MIIP: variants seen among roughly 807,000 people sequenced by gnomAD.
MIIP encodes migration and invasion inhibitory protein, also known as migration and invasion-inhibitory protein.
In MIIP, 44 loss-of-function variants were observed where a neutral mutation model predicts 44.8. That is an observed-to-expected ratio of 0.98 (90% CI 0.77 to 1.26). The LOEUF (loss-of-function observed/expected upper bound fraction) is 1.26, where lower values mean the gene tolerates loss of function less well. MIIP is among the 50% of genes most tolerant of loss of function. The pLI, the probability that MIIP is intolerant of heterozygous loss-of-function variation, is 0.00. For synonymous variants in MIIP, 225 were observed against 218.3 expected (o/e 1.03, Z -0.27); for missense variants, 496 against 511.7 (o/e 0.97, Z 0.30).
chr1:12,027,641 C>T (rs941613697), intron 4 of MIIP, among the ~76,000 whole-genome samples: 9 of 152,146 alleles, frequency 5.9e-5, no homozygotes, highest in South Asian at 2.1e-4. Flanking sequence ...ATCTCCCAAA[C>T]GCTGAGGTGT....
chr1:12,022,259 C>T lies in MIIP; in HGVS notation c.279C>T (p.Ala93=), dbSNP rs756719331. The part of the protein sequence containing the change: ...DLRDVARSGV[A]SLPPAKCQHQ... ...GTGATGTGGCCAGATCGGGGGTGGC[C>T]TCTCTCCCACCTGCCAAATGCCAGC... The change falls in exon 3 of 10, where the codon GCC becomes GCT. Residue 93 remains alanine, a synonymous_variant. Transcript: ENST00000235332. 6.2e-7 allele frequency: 1 copy of T among 1,613,530 alleles called. No homozygotes were observed. The highest frequency in any genetic ancestry group is 8.5e-7 in the Non-Finnish European group (1 of 1,179,860).
intron 4 of MIIP, among the ~76,000 whole-genome samples, chr1:12,023,723 C>T (rs1041353576): frequency 1.1e-4 from 17 of 150,154 alleles, no homozygotes; most frequent in African/African-American, 3.2e-4. Context: ...AGGCCGGGCA[C>T]GGTGACTCAC....
Position 12,022,200 on chromosome 1 carries a change from T to TG in MIIP, c.224dup (p.Pro77ThrfsTer10). On this transcript the variant is annotated frameshift_variant, in exon 3 of 10. Coordinates refer to ENST00000235332, the MANE Select transcript of MIIP (RefSeq NM_021933.4). LOFTEE classifies it high-confidence loss of function. ...CTGCCCACGGGGCCGGTCCTCCGTG[T>TG]GGGGCCCACCAGATGCCTGTCGAGG... The TG allele has an allele frequency of 6.2e-7, 1 of 1,613,376 alleles. No homozygotes were observed. Among genetic ancestry groups the TG allele is most frequent in the African/African-American group, 1.3e-5 (1 of 75,048 alleles).
intron 8 of MIIP, 43 bp downstream of exon 8, chr1:12,030,167 G>A (rs772490334): frequency 1.3e-6 from 2 of 1,577,094 alleles, no homozygotes; most frequent in Non-Finnish European, 1.7e-6. Flanking sequence ...GGGCGGGGCT[G>A]GCTCAGACTG....
intron 4 of MIIP, 89 bp downstream of exon 4, chr1:12,023,006 C>T: frequency 2.0e-6 from 2 of 1,023,690 alleles, no homozygotes; most frequent in Non-Finnish European, 2.9e-6. Flanking sequence ...GAGCCTCCAC[C>T]CGGTGCTGTT....
chr1:12,022,743 A>G, intron 3 of MIIP, 90 bp from the exon 4 acceptor site: 1 of 1,037,052 alleles, frequency 9.6e-7, no homozygotes, highest in Non-Finnish European at 1.5e-6. Flanking sequence ...GGTGTAAGTT[A>G]AGACACAGTC....
At position 12,024,676 on chromosome 1, in the gene MIIP, G is replaced by T. The variant is rs151132756; in HGVS notation, c.547+1759G>T. On this transcript the variant is annotated intron_variant, in intron 4 of 9. Coordinates refer to ENST00000235332, the MANE Select transcript of MIIP (RefSeq NM_021933.4). Reference sequence around the variant, plus strand: ...TCCGCCCGCCTCAGCCTCCCAAAGTGCTGGGATTACAGGCGTGAGCCACTG... The same window carrying T: ...TCCGCCCGCCTCAGCCTCCCAAAGTTCTGGGATTACAGGCGTGAGCCACTG... Among the ~76,000 whole-genome samples the T allele has an allele frequency of 9.8e-3, 1,493 of 152,338 alleles. 23 individuals carry two copies. The highest frequency in any genetic ancestry group is 0.035 in the African/African-American group (1,444 of 41,570).
intron 1 of MIIP, among the ~76,000 whole-genome samples, chr1:12,021,413 A>G (rs1639972537): frequency 1.3e-5 from 2 of 152,076 alleles, no homozygotes; most frequent in African/African-American, 4.8e-5. Flanking sequence ...AAACAAAAAA[A>G]CAAAACAAAA....
At chr1:12,025,348 C>A (rs1640085173) in intron 4 of MIIP, among the ~76,000 whole-genome samples, 1 of 152,060 alleles carries the variant, frequency 6.6e-6, no homozygotes, top group Admixed American at 6.5e-5. Context: ...GTGTGAGCCG[C>A]TGTGCCTGGC....
In MIIP at chr1:12,029,268, G is replaced by A. The variant is rs1212525067; in HGVS notation, c.702G>A (p.Glu234=). 1 of 1,613,416 alleles carries A rather than the reference G, an allele frequency of 6.2e-7. No homozygotes were observed. Among genetic ancestry groups the A allele is most frequent in the South Asian group, 1.1e-5 (1 of 91,078 alleles). ...GTGAGAGCAGTGGCAGCGGCGTGGA[G>A]GAAGACCATGAATGTGAGTGCGGGC... ...GLRESSGSGV[E]EDHECVYCYR... Residue 234 remains glutamate (E), a synonymous_variant, in exon 6 of 10, where the codon GAG becomes GAA. Coordinates refer to ENST00000235332, the MANE Select transcript of MIIP (RefSeq NM_021933.4).
intron 8 of MIIP, 58 bp from the exon 9 acceptor site, chr1:12,031,208 C>A: frequency 6.4e-7 from 1 of 1,562,186 alleles, no homozygotes; most frequent in Non-Finnish European, 8.7e-7. Context: ...TGGGGGTGTG[C>A]CCAGTCAGCG....
rs757965363 is a variant in MIIP, at chr1:12,031,418, G to T, written c.1080+15G>T. On this transcript the variant is annotated intron_variant, in intron 9 of 9. Transcript: ENST00000235332. ...CTTTTCACCCGGTACGGTCCAGATC[G>T]CATCCTAGCCTGGGGTGCCCCCTAG... The T allele has an allele frequency of 3.1e-6, 5 of 1,608,786 alleles. No individual in the cohort carries two copies. In the African/African-American group the frequency reaches 5.4e-5, roughly 17 times the overall value.
At position 12,022,204 on chromosome 1, in the gene MIIP, G is replaced by C; in HGVS notation, c.224G>C (p.Gly75Ala). 3 of 1,613,338 alleles carry C rather than the reference G, an allele frequency of 1.9e-6. No homozygotes were observed. The highest frequency in any genetic ancestry group is 2.5e-6 in the Non-Finnish European group (3 of 1,179,662). Residue 75 changes from glycine to alanine, a missense_variant, in exon 3 of 10, where the codon GGC (glycine) becomes GCC (alanine). Coordinates refer to ENST00000235332, the MANE Select transcript of MIIP (RefSeq NM_021933.4). ...CCACGGGGCCGGTCCTCCGTGTGGG[G>C]CCCACCAGATGCCTGTCGAGGGGAC... ...SCPRGRSSVW[G>A]PPDACRGDLR... is the part of the protein sequence containing the mutation.
intron 4 of MIIP, among the ~76,000 whole-genome samples, chr1:12,025,155 G>A (rs531414580): frequency 6.6e-6 from 1 of 151,120 alleles, no homozygotes; most frequent in Non-Finnish European, 1.5e-5. Context: ...CACCTCCCGG[G>A]TTCGAGTGGT....
rs1490050456 is a variant in MIIP, at chr1:12,031,966, C to G, written c.*158C>G. ...CCCAAGCTTGTCTGCTGCCTGAGTT[C>G]CAGAGAGGGAGGACCCTGGGGTGGA... On this transcript the variant is annotated 3_prime_UTR_variant, in exon 10 of 10. Coordinates refer to ENST00000235332, the MANE Select transcript of MIIP (RefSeq NM_021933.4). 1.5e-5 allele frequency: 10 copies of G among 686,388 alleles called. No individual in the cohort carries two copies. In the East Asian group the frequency reaches 2.2e-4, roughly 15 times the overall value. The allele number at this position is 686,388 out of a possible 1,614,324, so 42.5% of individuals were successfully genotyped here.
chr1:12,030,260 C>T, intron 8 of MIIP, 136 bp downstream of exon 8: 2 of 787,478 alleles, frequency 2.5e-6, no homozygotes, highest in East Asian at 2.7e-5. Flanking sequence ...CAGCCTGGGC[C>T]TCTTCCATCA....
chr1:12,030,161 G>T, intron 8 of MIIP, 37 bp downstream of exon 8: 1 of 1,593,716 alleles, frequency 6.3e-7, no homozygotes, highest in Non-Finnish European at 8.6e-7. Flanking sequence ...TGATGAGGGC[G>T]GGGCTGGCTC....
At position 12,029,852 on chromosome 1, in the gene MIIP, A is replaced by T; in HGVS notation, c.803A>T (p.Asp268Val). ...TGCCGCCTGTGCAGGACACCGCGAGACCAGCAGGGCCCTGGGACCCTGGCG... is the reference window on the plus strand; with the variant it reads ...TGCCGCCTGTGCAGGACACCGCGAGTCCAGCAGGGCCCTGGGACCCTGGCG... ...TPCRLCRTPR[D>V]QQGPGTLAQP... The change falls in exon 7 of 10, where the codon GAC (aspartate) becomes GTC (valine). Residue 268 changes from aspartate to valine, a missense_variant. Physicochemically the swap from Asp to Val is radical, Grantham distance 152. Coordinates refer to ENST00000235332, the MANE Select transcript of MIIP (RefSeq NM_021933.4). The T allele has an allele frequency of 6.2e-7, 1 of 1,613,332 alleles. No homozygotes were observed. The highest frequency in any genetic ancestry group is 8.5e-7 in the Non-Finnish European group (1 of 1,179,682).
chr1:12,021,012 A>G (rs1569911310), intron 1 of MIIP, among the ~76,000 whole-genome samples: 2 of 151,950 alleles, frequency 1.3e-5, no homozygotes, highest in South Asian at 2.1e-4. Flanking sequence ...TGATGCAACC[A>G]TGGCTCACTG....
Sources: allele counts gnomAD v4.1 joint callset (sites outside exome capture counted in the v4.1 genomes callset), GRCh38; gene constraint gnomAD v4.1.1; transcripts MANE v1.5; gene names NCBI Gene and HGNC (gene_info 2026-07-23, HGNC 2026-07-21).